The following NOL10 variants were observed in gnomAD, a reference collection of about 807,000 sequenced individuals.
NOL10 encodes the protein H_NH0074G24.1.
In NOL10, 58 loss-of-function variants were observed where a neutral mutation model predicts 103.5. That is an observed-to-expected ratio of 0.56 (90% CI 0.45 to 0.70). NOL10 has a LOEUF of 0.70. Among genes scored for constraint, NOL10 ranks in the 30% least tolerant of loss-of-function variants. NOL10 has a pLI of 0.00. For missense variants in NOL10, 763 were observed against 807.3 expected (o/e 0.95, Z 0.67); for synonymous variants, 287 against 282.5 (o/e 1.02, Z -0.16).
intron 13 of NOL10, among the ~76,000 whole-genome samples, chr2:10,612,491 C>CT (rs34578777): frequency 6.6e-6 from 1 of 151,904 alleles, no homozygotes; most frequent in Non-Finnish European, 1.5e-5. Flanking sequence ...TTGAAATTAT[C>CT]TTTTTTTAGA....
At chr2:10,636,551 A>G (rs1168397631) in intron 13 of NOL10, among the ~76,000 whole-genome samples, 8 of 151,652 alleles carry the variant, frequency 5.3e-5, no homozygotes, top group Non-Finnish European at 8.8e-5. Flanking sequence ...GTGACGCTGC[A>G]GTGAGCCATG....
intron 6 of NOL10, 138 bp downstream of exon 6, chr2:10,671,416 T>TC: frequency 1.4e-6 from 1 of 710,054 alleles, no homozygotes; most frequent in Non-Finnish European, 2.1e-6. Flanking sequence ...TTTCTTTTTT[T>TC]TTTTTTTTTT....
intron 13 of NOL10, among the ~76,000 whole-genome samples, chr2:10,637,800 C>T (rs933056223): frequency 6.6e-6 from 1 of 152,132 alleles, no homozygotes; most frequent in Non-Finnish European, 1.5e-5. Flanking sequence ...TCTGAACAGA[C>T]GCAGAAGCAC....
intron 1 of NOL10, among the ~76,000 whole-genome samples, chr2:10,686,853 G>A (rs73169922): frequency 0.026 from 3,560 of 139,582 alleles, 160 homozygotes; most frequent in African/African-American, 0.082. Context: ...GGGGAAATGT[G>A]GGGGGAAAGC....
At chr2:10,590,749 A>G (rs996220739) in intron 17 of NOL10, 1 of 137,996 alleles carries the variant, frequency 7.2e-6, no homozygotes, top group Non-Finnish European at 1.5e-5. Flanking sequence ...TTTTCAATGG[A>G]AAGTTTTCTA....
chr2:10,593,129 G>GTT (rs113342576), intron 17 of NOL10, among the ~76,000 whole-genome samples: 28 of 148,748 alleles, frequency 1.9e-4, no homozygotes, highest in East Asian at 5.9e-4. Context: ...AAACAAATTA[G>GTT]TTTTTTTTTT....
chr2:10,652,024 G>A (rs1028349376), intron 12 of NOL10, among the ~76,000 whole-genome samples: 14 of 152,100 alleles, frequency 9.2e-5, no homozygotes, highest in African/African-American at 3.1e-4. Context: ...GGCAGATCAC[G>A]AGGTCAGGAG....
Position 10,577,621 on chromosome 2 carries a change from TA to T in NOL10, c.1947+14del, listed in dbSNP as rs746172794. Reference sequence around the variant, plus strand: ...TCTTTTGTGAATTAAAAAATAACAATAAAAGACAACTCACCCTCTTTAACGT... The same window carrying T: ...TCTTTTGTGAATTAAAAAATAACAATAAAGACAACTCACCCTCTTTAACGT... On this transcript the variant is annotated intron_variant, in intron 20 of 20. Transcript: ENST00000381685. 4 of 1,577,702 alleles carry T rather than the reference TA, an allele frequency of 2.5e-6. No individual in the cohort carries two copies. Among genetic ancestry groups the T allele is most frequent in the African/African-American group, 1.3e-5 (1 of 74,330 alleles).
At chr2:10,629,830 CATG>C (rs1235722971) in intron 13 of NOL10, among the ~76,000 whole-genome samples, 1 of 152,238 alleles carries the variant, frequency 6.6e-6, no homozygotes, top group Non-Finnish European at 1.5e-5. Flanking sequence ...TTTTGCTCAA[CATG>C]ATATTCCCTT....
chr2:10,577,518 C>T (rs1674515040), intron 20 of NOL10, 118 bp downstream of exon 20: 2 of 738,484 alleles, frequency 2.7e-6, no homozygotes, highest in Non-Finnish European at 4.4e-6. Flanking sequence ...ACAGGGAACA[C>T]AGCTTCCTCA....
At chr2:10,584,298 G>A (rs1044780450) in intron 19 of NOL10, among the ~76,000 whole-genome samples, 4 of 152,196 alleles carry the variant, frequency 2.6e-5, no homozygotes, top group African/African-American at 9.7e-5. Flanking sequence ...CTCGCACTGA[G>A]CAGTTGATAA....
At chr2:10,684,505 T>C (rs1024747181) in intron 2 of NOL10, 62 bp downstream of exon 2, 6 of 1,279,278 alleles carry the variant, frequency 4.7e-6, no homozygotes, top group African/African-American at 1.5e-5. Flanking sequence ...TAACAGCAAA[T>C]GAGTAAAAGC....
chr2:10,640,337 A>G (rs1313241112), intron 13 of NOL10, among the ~76,000 whole-genome samples: 3 of 152,228 alleles, frequency 2.0e-5, no homozygotes, highest in Non-Finnish European at 4.4e-5. Context: ...AGTAAAGACA[A>G]GTGGTGCTAT....
chr2:10,584,683 A>G (rs1035160667), intron 19 of NOL10, among the ~76,000 whole-genome samples: 2 of 152,142 alleles, frequency 1.3e-5, no homozygotes, highest in Admixed American at 1.3e-4. Flanking sequence ...AAATATTATC[A>G]CTTATATAGT....
intron 20 of NOL10, among the ~76,000 whole-genome samples, chr2:10,576,519 T>A (rs1336093088): frequency 3.3e-5 from 5 of 152,232 alleles, no homozygotes; most frequent in African/African-American, 4.8e-5. Context: ...GGTATATTAT[T>A]GAGCCATAAA....
In NOL10 at chr2:10,668,683, G is replaced by A. The variant is rs1475687890; in HGVS notation, c.505C>T (p.Leu169=). 7 of 1,546,436 alleles carry A rather than the reference G, an allele frequency of 4.5e-6. No homozygotes were observed. Among genetic ancestry groups the A allele is most frequent in the South Asian group, 1.2e-5 (1 of 83,056 alleles). Residue 169 remains leucine (L), a synonymous_variant, in exon 7 of 21, where the codon CTG becomes TTG. Transcript: ENST00000381685. ...YRLNLEQGRY[L]NPLQTDAAEN... The stretch of plus-strand genomic sequence containing the variant: ...GCAGCATCAGTTTGTAGAGGATTCA[G>A]GTATCGTCCTTGTTCTAAGTTTAAC...
chr2:10,608,913 G>C (rs1027017632), intron 13 of NOL10, among the ~76,000 whole-genome samples: 1 of 152,082 alleles, frequency 6.6e-6, no homozygotes, highest in Non-Finnish European at 1.5e-5. Context: ...AAAAATAGAA[G>C]TAAAGGTTTT....
chr2:10,627,708 A>AC (rs1677567831), intron 13 of NOL10, among the ~76,000 whole-genome samples: 1 of 151,168 alleles, frequency 6.6e-6, no homozygotes, highest in East Asian at 2.0e-4. Flanking sequence ...ACAAAAAAAA[A>AC]CAAACAACAA....
chr2:10,613,684 A>T (rs1378715392), intron 13 of NOL10, among the ~76,000 whole-genome samples: 6 of 152,354 alleles, frequency 3.9e-5, no homozygotes. Flanking sequence ...AATTGAATTT[A>T]AACTTTTATG....
Sources: gnomAD v4.1 joint callset for allele counts (sites outside exome capture counted in the v4.1 genomes callset) on GRCh38, gnomAD v4.1.1 for gene constraint, MANE v1.5 for transcripts, NCBI Gene and HGNC (gene_info 2026-07-23, HGNC 2026-07-21) for gene names.